Variants in AATK observed in about 807,000 individuals in gnomAD.
The protein encoded by AATK is lemur tail kinase 1.
Under a neutral mutation model 114.3 loss-of-function variants are expected in AATK, and 91 were observed. The ratio of observed to expected loss-of-function variants is 0.80; its 90% CI spans 0.67 to 0.95. AATK has a LOEUF of 0.95. AATK is among the 40% of genes least tolerant of loss of function. AATK has a pLI of 0.00. For missense variants in AATK, 2,176 were observed against 1,965.2 expected (o/e 1.11, Z -2.03); for synonymous variants, 1,075 against 916.5 (o/e 1.17, Z -3.12).
rs367599236 is a variant in AATK, at chr17:81,162,716, G to A, written c.55+3222C>T. On this transcript the variant is annotated intron_variant, in intron 1 of 13. Coordinates refer to ENST00000326724, the MANE Select transcript of AATK (RefSeq NM_001080395.3). ...CATGAATGCTGATAGAGCGAGCACC[G>A]TGGCCAGGCACAGGCACTTCTCCCA... is the stretch of plus-strand genomic sequence containing the variant. Among the ~76,000 whole-genome samples, 12 of 152,306 alleles carry A rather than the reference G, an allele frequency of 7.9e-5. No individual in the cohort carries two copies. In the East Asian group the frequency reaches 9.7e-4, roughly 12 times the overall value.
In AATK at chr17:81,127,571, G is replaced by A; in HGVS notation, c.621+12C>T. On this transcript the variant is annotated intron_variant, in intron 6 of 13. Transcript: ENST00000326724. The stretch of plus-strand genomic sequence containing the variant: ...AGCAAAGACCCCAGCATCCCCCCGG[G>A]CAGCAGCTCACCAGTGGGCAGAACT... The A allele has an allele frequency of 6.3e-7, 1 of 1,587,628 alleles. No homozygotes were observed. The highest frequency in any genetic ancestry group is 8.6e-7 in the Non-Finnish European group (1 of 1,167,776).
At chr17:81,129,836 C>T (rs62075263) in intron 3 of AATK, among the ~76,000 whole-genome samples, 7,562 of 152,314 alleles carry the variant, frequency 0.05, 249 homozygotes, top group South Asian at 0.11. Flanking sequence ...GGGCCTCACG[C>T]TCTGAGTGGG....
In AATK at chr17:81,122,729, C is replaced by T. The variant is rs770313873; in HGVS notation, c.1207G>A (p.Ala403Thr). ...TCAAACTCCTCCTCTGCTTCGGTGG[C>T]GCCCTTGGCACACAGGTAGGACAGC... ...LLLSYLCAKG[A>T]TEAEEEFERR... Residue 403 changes from alanine (A) to threonine (T), a missense_variant, in exon 11 of 14, where the codon GCC becomes ACC. Around this residue, in one of 4 missense-constraint regions of AATK, gnomAD observed 273 missense variants for 344.1 expected, o/e 0.79. Coordinates refer to ENST00000326724, the MANE Select transcript of AATK (RefSeq NM_001080395.3). 6 of 1,594,068 alleles carry T rather than the reference C, an allele frequency of 3.8e-6. No individual in the cohort carries two copies. The highest frequency in any genetic ancestry group is 2.3e-5 in the South Asian group (2 of 87,866).
chr17:81,124,895 CTCATGCCCAGCCCA>C, intron 8 of AATK, 21 bp downstream of exon 8: 2 of 1,570,956 alleles, frequency 1.3e-6, no homozygotes, highest in Non-Finnish European at 1.7e-6. Flanking sequence ...GGCCCTGCCC[CTCATGCCCAGCCCA>C]GCCCACCCCA....
intron 1 of AATK, chr17:81,160,307 CAGCCCG>C: frequency 1.0e-6 from 1 of 961,734 alleles, no homozygotes; most frequent in Non-Finnish European, 1.2e-6. Context: ...GGGAGGACCC[CAGCCCG>C]CCCCAGCCCC....
intron 1 of AATK, among the ~76,000 whole-genome samples, chr17:81,156,397 T>A (rs920273054): frequency 2.6e-5 from 4 of 151,960 alleles, no homozygotes; most frequent in African/African-American, 9.7e-5. Context: ...AATAAATGTT[T>A]TTTGTTTTGT....
chr17:81,146,347 A>T (rs12951859), intron 1 of AATK, among the ~76,000 whole-genome samples: 72,132 of 151,250 alleles, frequency 0.48, 17,488 homozygotes, highest in African/African-American at 0.52. Flanking sequence ...GGTGACAGAG[A>T]GAGACCCTGT....
At chr17:81,124,209 G>A (rs2060754013) in intron 9 of AATK, among the ~76,000 whole-genome samples, 1 of 152,114 alleles carries the variant, frequency 6.6e-6, no homozygotes, top group Admixed American at 6.5e-5. Context: ...GCAGGGAGGG[G>A]CGCCCACCCC....
chr17:81,118,554 C>T (rs2060602273), intron 13 of AATK, 112 bp from the exon 14 acceptor site: 2 of 1,114,290 alleles, frequency 1.8e-6, no homozygotes, highest in East Asian at 2.6e-5. Context: ...GGGCCCCTTC[C>T]CTGCAGCAGA....
intron 1 of AATK, among the ~76,000 whole-genome samples, chr17:81,156,726 AT>A (rs1336734513): frequency 6.6e-6 from 1 of 151,988 alleles, no homozygotes; most frequent in Admixed American, 6.6e-5. Flanking sequence ...CTTTTAAATC[AT>A]TTTTTTCCTG....
chr17:81,125,050 AGGGT>A lies in AATK; in HGVS notation c.756-40_756-37del. ...GGGCAGGGGCAGGGGCAGGGTGAGC[AGGGT>A]GAGCAGGGTGTGCCGGGTGGGGGCA... On this transcript the variant is annotated intron_variant, in intron 7 of 13. Transcript: ENST00000326724. The A allele has an allele frequency of 4.8e-6, 6 of 1,238,786 alleles. No homozygotes were observed. The South Asian group carries it at 7.7e-5, about 16-fold the overall frequency. 76.7% of individuals were successfully genotyped at this position (1,238,786 alleles called of 1,614,324 possible).
At chr17:81,137,917 C>G (rs113861392) in intron 1 of AATK, among the ~76,000 whole-genome samples, 1 of 55,998 alleles carries the variant, frequency 1.8e-5, no homozygotes, top group South Asian at 9.4e-4. Context: ...CACGGGCACA[C>G]GTGCACACAG....
In AATK at chr17:81,122,424, C is replaced by G. The variant is rs1258903110; in HGVS notation, c.1512G>C (p.Glu504Asp). 6 of 1,457,960 alleles carry G rather than the reference C, an allele frequency of 4.1e-6. No homozygotes were observed. Among genetic ancestry groups the G allele is most frequent in the Non-Finnish European group, 4.5e-6 (5 of 1,107,240 alleles). The allele number at this position is 1,457,960 out of a possible 1,614,324, so 90.3% of individuals were successfully genotyped here. Residue 504 changes from glutamate to aspartate, a missense_variant, in exon 11 of 14, where the codon GAG becomes GAC. By Grantham distance (45) the Glu-to-Asp change is conservative (BLOSUM62 2). Around this residue, in one of 4 missense-constraint regions of AATK, gnomAD observed 1,701 missense variants for 1,394.7 expected, o/e 1.22. Coordinates refer to ENST00000326724, the MANE Select transcript of AATK (RefSeq NM_001080395.3). ...GGGGCGCGCCGTCGGGGGCGCACAG[C>G]TCCTGCAGGCGTGCGGTGCGGCCAG... ...LSPGRTARLQ[E>D]LCAPDGAPPG...
At chr17:81,163,031 T>C (rs181943351) in intron 1 of AATK, among the ~76,000 whole-genome samples, 1 of 152,188 alleles carries the variant, frequency 6.6e-6, no homozygotes, top group East Asian at 1.9e-4. Flanking sequence ...ACCTTACAGA[T>C]GACAAAACAG....
chr17:81,160,484 G>C (rs553484092), intron 1 of AATK, among the ~76,000 whole-genome samples: 130 of 152,360 alleles, frequency 8.5e-4, no homozygotes, highest in African/African-American at 3.0e-3. Flanking sequence ...TCCTCTGCGG[G>C]GGGGCGGGGA....
At chr17:81,162,224 C>G (rs1396241982) in intron 1 of AATK, among the ~76,000 whole-genome samples, 2 of 152,004 alleles carry the variant, frequency 1.3e-5, no homozygotes, top group African/African-American at 4.8e-5. Context: ...ATGGGACCCT[C>G]TCCAAGAACC....
At chr17:81,155,318 GCA>G (rs1429722981) in intron 1 of AATK, among the ~76,000 whole-genome samples, 1 of 152,124 alleles carries the variant, frequency 6.6e-6, no homozygotes, top group Non-Finnish European at 1.5e-5. Flanking sequence ...GTGGCCAGGT[GCA>G]CATGCTCACC....
chr17:81,151,753 C>T (rs929806240), intron 1 of AATK, among the ~76,000 whole-genome samples: 3 of 152,180 alleles, frequency 2.0e-5, no homozygotes, highest in Non-Finnish European at 2.9e-5. Flanking sequence ...AGGGTTGCAT[C>T]GTGTTAGGCA....
chr17:81,123,212 A>G lies in AATK; in HGVS notation c.1094T>C (p.Leu365Pro). The change falls in exon 10 of 14, where the codon CTG (leucine) becomes CCG (proline). Residue 365 changes from leucine to proline, a missense_variant. Transcript: ENST00000326724. ...CCCTCACCAGCGGTCCGACAGGGTC[A>G]GCTGCAGCTGGGGCTTGGGCAGCTT... ...QLKLPKPQLQ[L>P]TLSDRWYEVM... 1 of 1,426,468 alleles carries G rather than the reference A, an allele frequency of 7.0e-7. No individual in the cohort carries two copies. The highest frequency in any genetic ancestry group is 9.2e-7 in the Non-Finnish European group (1 of 1,092,058). 88.4% of individuals were successfully genotyped at this position (1,426,468 alleles called of 1,614,324 possible).
Sources: allele counts gnomAD v4.1 joint callset (sites outside exome capture counted in the v4.1 genomes callset), GRCh38; gene constraint gnomAD v4.1.1; regional missense constraint gnomAD v4.1.1; transcripts MANE v1.5; gene names NCBI Gene and HGNC (gene_info 2026-07-23, HGNC 2026-07-21).